The following DCHS2 variants were observed in gnomAD, a reference collection of about 807,000 sequenced individuals.
DCHS2 encodes the protein protocadherin-23.
Under a neutral mutation model 182.4 loss-of-function variants are expected in DCHS2, and 142 were observed. That is an observed-to-expected ratio of 0.78 (90% CI 0.68 to 0.89). The LOEUF is 0.89. Ranked by LOEUF, DCHS2 falls within the 40% of genes least tolerant of loss-of-function variation. The pLI is 0.00. For synonymous variants in DCHS2, 1,740 were observed against 1,663.3 expected (o/e 1.05, Z -1.12); for missense variants, 4,319 against 4,198.6 (o/e 1.03, Z -0.79).
At position 154,332,511 on chromosome 4, in the gene DCHS2, C is replaced by A; in HGVS notation, c.3697G>T (p.Asp1233Tyr). The A allele has an allele frequency of 1.2e-6, 2 of 1,613,464 alleles. No individual in the cohort carries two copies. The highest frequency in any genetic ancestry group is 1.7e-5 in the Admixed American group (1 of 59,936). ...NGQLLYFLLSDGKFFKMNPNT... is the reference protein window; with the variant it reads ...NGQLLYFLLSYGKFFKMNPNT... The stretch of plus-strand genomic sequence containing the variant: ...GGATTCATCTTGAAGAATTTTCCAT[C>A]AGACAAAAGGAAATATAATAGCTGT... Residue 1233 changes from aspartate to tyrosine, a missense_variant, in exon 5 of 20, where the codon GAT (aspartate) becomes TAT (tyrosine). Physicochemically the swap from Asp to Tyr is radical, Grantham distance 160. Coordinates refer to ENST00000357232, the MANE Select transcript of DCHS2 (RefSeq NM_001358235.2).
chr4:154,401,054 G>T (rs1210815583), intron 1 of DCHS2, among the ~76,000 whole-genome samples: 3 of 152,128 alleles, frequency 2.0e-5, no homozygotes, highest in Non-Finnish European at 4.4e-5. Context: ...AGGCTTCCTT[G>T]TTCCTCCTCC....
At chr4:154,269,841 G>A (rs1351349225) in intron 14 of DCHS2, 59 bp downstream of exon 14, 6 of 1,559,234 alleles carry the variant, frequency 3.8e-6, no homozygotes, top group Non-Finnish European at 5.2e-6. Context: ...TGCAAATTTT[G>A]CAGAAATAAC....
chr4:154,439,957 G>A (rs1414851617), intron 1 of DCHS2, among the ~76,000 whole-genome samples: 1 of 152,084 alleles, frequency 6.6e-6, no homozygotes, highest in African/African-American at 2.4e-5. Flanking sequence ...TTTTAGATGT[G>A]GTTAATTGAT....
intron 1 of DCHS2, among the ~76,000 whole-genome samples, chr4:154,381,859 C>T (rs988377568): frequency 6.6e-6 from 1 of 152,144 alleles, no homozygotes; most frequent in Admixed American, 6.6e-5. Context: ...GCCAGACTGT[C>T]TAAAGCAATC....
At chr4:154,373,048 G>T (rs1730717109) in intron 2 of DCHS2, among the ~76,000 whole-genome samples, 1 of 152,196 alleles carries the variant, frequency 6.6e-6, no homozygotes, top group Non-Finnish European at 1.5e-5. Context: ...ACCAGAGATT[G>T]TCAAGGTAAC....
At chr4:154,422,920 C>T (rs181183066) in intron 1 of DCHS2, among the ~76,000 whole-genome samples, 63 of 152,296 alleles carry the variant, frequency 4.1e-4, no homozygotes, top group Admixed American at 7.2e-4. Flanking sequence ...CCTGTCCAGG[C>T]GTGAAGTCTC....
chr4:154,452,452 C>T (rs1339626875), intron 1 of DCHS2, among the ~76,000 whole-genome samples: 3 of 151,776 alleles, frequency 2.0e-5, no homozygotes, highest in Non-Finnish European at 2.9e-5. Flanking sequence ...GGTGAAACCT[C>T]GTCTCTAATA....
chr4:154,272,510 A>G (rs1380889872), intron 13 of DCHS2, among the ~76,000 whole-genome samples: 1 of 152,056 alleles, frequency 6.6e-6, no homozygotes, highest in Non-Finnish European at 1.5e-5. Context: ...CACTTTCCCC[A>G]TGCTGTTCTC....
chr4:154,482,900 C>A (rs1048015861), intron 1 of DCHS2, among the ~76,000 whole-genome samples: 1 of 152,142 alleles, frequency 6.6e-6, no homozygotes, highest in African/African-American at 2.4e-5. Context: ...GCATAGTTAC[C>A]TGTAAAGAGT....
chr4:154,381,382 C>G (rs750460507), intron 1 of DCHS2, among the ~76,000 whole-genome samples: 1 of 151,990 alleles, frequency 6.6e-6, no homozygotes, highest in Non-Finnish European at 1.5e-5. Context: ...TTTTATCAGA[C>G]AAGGATATAC....
chr4:154,393,839 G>A (rs926496101), intron 1 of DCHS2, among the ~76,000 whole-genome samples: 3 of 152,038 alleles, frequency 2.0e-5, no homozygotes, highest in Non-Finnish European at 4.4e-5. Flanking sequence ...ACAAGGATGA[G>A]GACTGACTCT....
intron 16 of DCHS2, among the ~76,000 whole-genome samples, chr4:154,248,651 A>G (rs896577190): frequency 1.6e-4 from 10 of 64,310 alleles, no homozygotes; most frequent in African/African-American, 2.9e-4. Context: ...TAAAAAGAAG[A>G]AAGCCGGAGG....
chr4:154,273,326 G>C (rs1250933917), intron 13 of DCHS2, among the ~76,000 whole-genome samples: 2 of 152,102 alleles, frequency 1.3e-5, no homozygotes, highest in African/African-American at 4.8e-5. Context: ...TGGAATTGGA[G>C]ACTATTATTC....
rs1297586007 is a variant in DCHS2 at position 154,356,881 on chromosome 4, A to G, written c.2476+9329T>C. On this transcript the variant is annotated intron_variant, in intron 3 of 19. Coordinates refer to ENST00000357232, the MANE Select transcript of DCHS2 (RefSeq NM_001358235.2). ...ACTAAAATTAAATATAAAGGACCAC[A>G]TAATAATCCAAATTCTAAACTTACT... Among the ~76,000 whole-genome samples, 4 of 152,168 alleles carry G rather than the reference A, an allele frequency of 2.6e-5. No homozygotes were observed. The East Asian group carries it at 7.7e-4, about 29-fold the overall frequency.
At chr4:154,278,046 C>A (rs2404897) in intron 13 of DCHS2, among the ~76,000 whole-genome samples, 140,762 of 143,920 alleles carry the variant, frequency 0.98, 68,907 homozygotes, top group Middle Eastern at 1. Flanking sequence ...ATCACACACA[C>A]AAAAAAAAAG....
At chr4:154,456,478 T>C (rs957707508) in intron 1 of DCHS2, among the ~76,000 whole-genome samples, 27 of 152,174 alleles carry the variant, frequency 1.8e-4, no homozygotes, top group African/African-American at 6.5e-4. Flanking sequence ...CTAATGCAGA[T>C]ATGACACGCT....
At chr4:154,396,409 G>A (rs1302403927) in intron 1 of DCHS2, among the ~76,000 whole-genome samples, 1 of 152,108 alleles carries the variant, frequency 6.6e-6, no homozygotes. Flanking sequence ...TAATGCAAGG[G>A]TGGAGTATGA....
chr4:154,409,118 G>C (rs1257159645), intron 1 of DCHS2, among the ~76,000 whole-genome samples: 1 of 152,178 alleles, frequency 6.6e-6, no homozygotes, highest in Non-Finnish European at 1.5e-5. Flanking sequence ...GCTGAGCTCA[G>C]ACACCTAGTC....
At chr4:154,238,096 G>A (rs1327343639) in intron 19 of DCHS2, among the ~76,000 whole-genome samples, 1 of 150,634 alleles carries the variant, frequency 6.6e-6, no homozygotes, top group Non-Finnish European at 1.5e-5. Context: ...TGCTGTGGCC[G>A]GGGTGGCAGT....
Sources: allele counts gnomAD v4.1 joint callset (sites outside exome capture counted in the v4.1 genomes callset), GRCh38; gene constraint gnomAD v4.1.1; transcripts MANE v1.5; gene names NCBI Gene and HGNC (gene_info 2026-07-23, HGNC 2026-07-21).